PHKB: variants seen among roughly 807,000 people sequenced by gnomAD.
PHKB encodes the protein phosphorylase kinase regulatory subunit beta.
PHKB carries 122 observed loss-of-function variants against 152.1 expected under a neutral mutation model. The ratio of observed to expected loss-of-function variants is 0.80; its 90% CI spans 0.69 to 0.93. The LOEUF (loss-of-function observed/expected upper bound fraction) is 0.93, where lower values mean the gene tolerates loss of function less well. Among genes scored for constraint, PHKB ranks in the 40% least tolerant of loss-of-function variants. The pLI, the probability that PHKB is intolerant of heterozygous loss-of-function variation, is 0.00. For missense variants in PHKB, 1,304 were observed against 1,328.4 expected, an observed-to-expected ratio of 0.98 and a Z score of 0.29; for synonymous variants, 436 against 464.9, an observed-to-expected ratio of 0.94 and a Z score of 0.80.
At chr16:47,681,327 T>C (rs1364065476) in intron 26 of PHKB, among the ~76,000 whole-genome samples, 3 of 137,758 alleles carry the variant, frequency 2.2e-5, no homozygotes, top group Non-Finnish European at 4.9e-5. Context: ...GGTATCCTTG[T>C]TAACTTTCTG....
chr16:47,688,524 G>A (rs1974003994), intron 26 of PHKB, among the ~76,000 whole-genome samples: 1 of 152,082 alleles, frequency 6.6e-6, no homozygotes, highest in African/African-American at 2.4e-5. Context: ...TCAAAGACAG[G>A]TACTTGTCTG....
At position 47,700,348 on chromosome 16, in the gene PHKB, C is replaced by CAAAAAAAAAAAAAAAA. The variant is rs11299370; in HGVS notation, c.*985_*1000dup. 1.6e-5 allele frequency: 1 copy of CAAAAAAAAAAAAAAAA among 63,556 alleles called. No homozygotes were observed. Among genetic ancestry groups the CAAAAAAAAAAAAAAAA allele is most frequent in the Admixed American group, 1.8e-4 (1 of 5,482 alleles). The allele number at this position is 63,556 out of a possible 1,614,324, so 3.9% of individuals were successfully genotyped here. A position where few individuals can be genotyped will look rare whatever the true frequency, so the allele number is the denominator to read the frequency against. ...TGGGTGACAGAGCGAGACTCCATCT[C>CAAAAAAAAAAAAAAAA]AAAAAAAAAAAAAAAAAAGAAAAAG... On this transcript the variant is annotated 3_prime_UTR_variant, in exon 31 of 31. Transcript: ENST00000323584.
chr16:47,522,880 C>T (rs1479877680), intron 6 of PHKB, among the ~76,000 whole-genome samples: 2 of 150,986 alleles, frequency 1.3e-5, no homozygotes, highest in East Asian at 3.9e-4. Flanking sequence ...AATTTCATTC[C>T]ATGATGGTGG....
intron 14 of PHKB, among the ~76,000 whole-genome samples, chr16:47,612,457 A>G (rs1319094600): frequency 6.6e-6 from 1 of 152,224 alleles, no homozygotes; most frequent in Non-Finnish European, 1.5e-5. Flanking sequence ...TTGGTGTACA[A>G]TATACTACTT....
Position 47,461,336 on chromosome 16 carries a change from G to T in PHKB, c.-15G>T, listed in dbSNP as rs539348306. The T allele has an allele frequency of 3.1e-5, 49 of 1,601,910 alleles. 1 individual carries two copies. In the South Asian group the frequency reaches 5.2e-4, roughly 17 times the overall value. ...CGGCCCCGGGGGCGGTGGCCAAGGC[G>T]GCGACCGGAGCGCGATGGCGGGGGC... On this transcript the variant is annotated 5_prime_UTR_variant, in exon 1 of 31. Transcript: ENST00000323584.
At chr16:47,697,308 G>A (rs1302506371) in intron 29 of PHKB, among the ~76,000 whole-genome samples, 7 of 152,154 alleles carry the variant, frequency 4.6e-5, no homozygotes, top group Admixed American at 1.3e-4. Flanking sequence ...AGTAGATTTA[G>A]CCTCCTCTTT....
At chr16:47,598,395 T>C (rs946069099) in intron 13 of PHKB, among the ~76,000 whole-genome samples, 5 of 152,222 alleles carry the variant, frequency 3.3e-5, no homozygotes, top group African/African-American at 9.6e-5. Flanking sequence ...GGAATTTTTC[T>C]TTAATAATTT....
intron 14 of PHKB, among the ~76,000 whole-genome samples, chr16:47,618,133 T>C (rs1972552755): frequency 6.6e-6 from 1 of 152,272 alleles, no homozygotes; most frequent in African/African-American, 2.4e-5. Context: ...ACTTTGGTGA[T>C]ACTCTAAGTG....
At chr16:47,564,161 A>G (rs1179225074) in intron 7 of PHKB, among the ~76,000 whole-genome samples, 1 of 151,932 alleles carries the variant, frequency 6.6e-6, no homozygotes, top group Non-Finnish European at 1.5e-5. Context: ...TCTTTTTTAT[A>G]TAATGACTTT....
intron 14 of PHKB, among the ~76,000 whole-genome samples, chr16:47,629,240 TAC>T (rs1972773990): frequency 1.3e-5 from 2 of 151,900 alleles, no homozygotes; most frequent in South Asian, 4.2e-4. Flanking sequence ...ACAGGCAACC[TAC>T]AAAATGGGAG....
At chr16:47,475,404 A>G (rs1400181125) in intron 1 of PHKB, among the ~76,000 whole-genome samples, 4 of 152,290 alleles carry the variant, frequency 2.6e-5, no homozygotes, top group African/African-American at 9.6e-5. Context: ...AGGCAGCCTT[A>G]TTATTTCCTC....
chr16:47,579,769 G>GT (rs1358210249), intron 7 of PHKB, among the ~76,000 whole-genome samples: 1 of 152,006 alleles, frequency 6.6e-6, no homozygotes, highest in African/African-American at 2.4e-5. Flanking sequence ...AAGAGATAAG[G>GT]TGATCAGTTG....
chr16:47,532,263 A>C (rs539238518), intron 6 of PHKB, among the ~76,000 whole-genome samples: 1 of 152,328 alleles, frequency 6.6e-6, no homozygotes, highest in African/African-American at 2.4e-5. Flanking sequence ...ACTAATTTGG[A>C]GAGCAATTTG....
rs191553781 is a variant in PHKB at position 47,554,356 on chromosome 16, C to T, written c.710+6808C>T. Among the ~76,000 whole-genome samples, 5 of 152,242 alleles carry T rather than the reference C, an allele frequency of 3.3e-5. No individual in the cohort carries two copies. In the East Asian group the frequency reaches 7.7e-4, roughly 24 times the overall value. On this transcript the variant is annotated intron_variant, in intron 7 of 30. Transcript: ENST00000323584. ...CTACTCAAGCCTCAGTAATGGTGTA[C>T]GCCCCTTTCCCCACCAAGCTGGAGT...
chr16:47,575,690 A>C (rs1971737468), intron 7 of PHKB, among the ~76,000 whole-genome samples: 2 of 152,200 alleles, frequency 1.3e-5, no homozygotes, highest in African/African-American at 2.4e-5. Flanking sequence ...AATGATAGAC[A>C]TTGGAGCCTG....
chr16:47,643,245 G>A (rs1973057475), intron 16 of PHKB, among the ~76,000 whole-genome samples: 2 of 152,182 alleles, frequency 1.3e-5, no homozygotes, highest in Admixed American at 1.3e-4. Flanking sequence ...TATATGCAGA[G>A]CACTGTGTAG....
chr16:47,659,558 C>T (rs1163396330), intron 20 of PHKB, among the ~76,000 whole-genome samples: 4 of 152,160 alleles, frequency 2.6e-5, no homozygotes, highest in African/African-American at 9.7e-5. Flanking sequence ...TCATACTGTT[C>T]ACCATGAACC....
chr16:47,663,359 TTTC>T (rs1273820636), intron 23 of PHKB, among the ~76,000 whole-genome samples: 9 of 152,208 alleles, frequency 5.9e-5, no homozygotes, highest in Admixed American at 3.9e-4. Flanking sequence ...TATATTCTCT[TTTC>T]TTCTTTTCTG....
chr16:47,586,880 T>G (rs1971943250), intron 8 of PHKB, among the ~76,000 whole-genome samples: 1 of 152,188 alleles, frequency 6.6e-6, no homozygotes, highest in Non-Finnish European at 1.5e-5. Flanking sequence ...CTGTTACACC[T>G]ATTTGTTTCA....
Sources: gnomAD v4.1 joint callset for allele counts (sites outside exome capture counted in the v4.1 genomes callset) on GRCh38, gnomAD v4.1.1 for gene constraint, MANE v1.5 for transcripts, NCBI Gene and HGNC (gene_info 2026-07-23, HGNC 2026-07-21) for gene names.